Variants in TRPV3 observed in about 807,000 individuals in gnomAD.
The protein encoded by TRPV3 is transient receptor potential cation channel subfamily V member 3, also known as VRL-3.
Under a neutral mutation model 87.1 loss-of-function variants are expected in TRPV3, and 88 were observed. That is an observed-to-expected ratio of 1.01 (90% CI 0.85 to 1.21). The LOEUF is 1.21. TRPV3 is among the 50% of genes most tolerant of loss of function. TRPV3 has a pLI of 0.00. For synonymous variants in TRPV3, 438 were observed against 423.3 expected, an observed-to-expected ratio of 1.03 and a Z score of -0.43; for missense variants, 1,054 against 1,030.1, an observed-to-expected ratio of 1.02 and a Z score of -0.32.
chr17:3,544,397 T>C (rs74641013), intron 4 of TRPV3, among the ~76,000 whole-genome samples, 182 bp downstream of exon 4: 2,105 of 152,302 alleles, frequency 0.014, 77 homozygotes, highest in East Asian at 0.085. Flanking sequence ...ATGGGTTTTA[T>C]AGAATTCAAT....
At position 3,532,692 on chromosome 17, in the gene TRPV3, G is replaced by A; in HGVS notation, c.1030C>T (p.Pro344Ser). The A allele has an allele frequency of 6.2e-7, 1 of 1,614,246 alleles. No individual in the cohort carries two copies. The change falls in exon 8 of 18, where the codon CCG (proline) becomes TCG (serine). Residue 344 changes from proline to serine, a missense_variant. Coordinates refer to ENST00000576742, the MANE Select transcript of TRPV3 (RefSeq NM_145068.4). ...CCCATCTTGGCGGCCAGCTGCAGCG[G>A]CGTGAGGCCATCGTTGTTGCGAGTG... ...ETTRNNDGLT[P>S]LQLAAKMGKA... is the part of the protein sequence containing the mutation.
At chr17:3,542,788 A>C (rs1597487050) in intron 5 of TRPV3, 90 bp from the exon 6 acceptor site, 3 of 1,388,890 alleles carry the variant, frequency 2.2e-6, no homozygotes, top group Non-Finnish European at 9.7e-7. Flanking sequence ...GCAGCCGCAG[A>C]CCCCAAGCCC....
rs1200774126 is a variant in TRPV3, at chr17:3,525,165, ACCCG to A, written c.1578-806_1578-803del. On this transcript the variant is annotated intron_variant, in intron 12 of 17. Coordinates refer to ENST00000576742, the MANE Select transcript of TRPV3 (RefSeq NM_145068.4). ...CTCCCTAGTAGCTGGGATTACAGGCACCCGCCACCACACCAGGCTCATTTTTGTA... is the reference window on the plus strand; with the variant it reads ...CTCCCTAGTAGCTGGGATTACAGGCACCACCACACCAGGCTCATTTTTGTA... Among the ~76,000 whole-genome samples the A allele has an allele frequency of 1.0e-3, 157 of 151,808 alleles. 5 individuals carry two copies. In the South Asian group the frequency reaches 0.031, roughly 30 times the overall value.
At position 3,528,082 on chromosome 17, in the gene TRPV3, C is replaced by A. The variant is rs761172453; in HGVS notation, c.1446G>T (p.Leu482=). The part of the protein sequence containing the change: ...PLALTHKMGW[L]QLLGRMFVLI... The stretch of plus-strand genomic sequence containing the variant: ...GCACAAACATCCTCCCTAGGAGCTG[C>A]AGCCACCCCATCTTGTGCGTCAGGG... The change falls in exon 11 of 18, where the codon CTG becomes CTT. Residue 482 remains leucine, a synonymous_variant. Transcript: ENST00000576742. The surrounding 1 kb of genome is among the most constrained non-coding windows in gnomAD (Gnocchi z 4.2). The A allele has an allele frequency of 6.2e-7, 1 of 1,613,676 alleles. No homozygotes were observed. Among genetic ancestry groups the A allele is most frequent in the Admixed American group, 1.7e-5 (1 of 60,008 alleles).
chr17:3,528,069 T>A lies in TRPV3; in HGVS notation c.1459A>T (p.Arg487Trp). The stretch of plus-strand genomic sequence containing the variant: ...ATGGCCCAGATGAGCACAAACATCC[T>A]CCCTAGGAGCTGCAGCCACCCCATC... ...HKMGWLQLLGRMFVLIWAMCI... is the reference protein window; with the variant it reads ...HKMGWLQLLGWMFVLIWAMCI... The change falls in exon 11 of 18, where the codon AGG (arginine) becomes TGG (tryptophan). Residue 487 changes from arginine to tryptophan, a missense_variant. By Grantham distance (101) the Arg-to-Trp change is moderately radical. Coordinates refer to ENST00000576742, the MANE Select transcript of TRPV3 (RefSeq NM_145068.4). This position sits in a 1 kb window ranked among gnomAD's most constrained non-coding sequence, Gnocchi z 4.2. The A allele has an allele frequency of 6.2e-7, 1 of 1,613,582 alleles. No homozygotes were observed. Among genetic ancestry groups the A allele is most frequent in the Non-Finnish European group, 8.5e-7 (1 of 1,179,908 alleles).
chr17:3,557,291 C>A lies in TRPV3; in HGVS notation c.-3+385G>T, dbSNP rs1327195192. Among the ~76,000 whole-genome samples, 3 of 152,160 alleles carry A rather than the reference C, an allele frequency of 2.0e-5. No individual in the cohort carries two copies. The highest frequency in any genetic ancestry group is 4.4e-5 in the Non-Finnish European group (3 of 68,016). On this transcript the variant is annotated intron_variant, in intron 1 of 17. Transcript: ENST00000576742. This position sits in a 1 kb window ranked among gnomAD's most constrained non-coding sequence, Gnocchi z 4.5. ...CCCCGTCTGTCTCCCACGGTGGGGC[C>A]ACCTCCTCCCATCCTGAACTCCCAT...
At chr17:3,525,045 G>A (rs1165504141) in intron 12 of TRPV3, among the ~76,000 whole-genome samples, 1 of 152,058 alleles carries the variant, frequency 6.6e-6, no homozygotes, top group Non-Finnish European at 1.5e-5. Context: ...GCAGAGACAG[G>A]GTCTTGCTCT....
chr17:3,543,731 A>G (rs2074491669), intron 4 of TRPV3, 103 bp from the exon 5 acceptor site: 10 of 1,475,752 alleles, frequency 6.8e-6, no homozygotes, highest in East Asian at 2.3e-5. Context: ...GCTGCCGCCA[A>G]CATCTCCCAT....
rs772110459 is a variant in TRPV3 at position 3,530,087 on chromosome 17, G to A, written c.1182C>T (p.Asn394=). 1.7e-5 allele frequency: 28 copies of A among 1,613,958 alleles called. No homozygotes were observed. The highest frequency in any genetic ancestry group is 1.3e-4 in the East Asian group (6 of 44,890). Residue 394 remains asparagine, a synonymous_variant, in exon 9 of 18, where the codon AAC becomes AAT. Transcript: ENST00000576742. This position sits in a 1 kb window ranked among gnomAD's most constrained non-coding sequence, Gnocchi z 4.0. ...CTGAGTTGTCCGTGGTGGTGTCCAC[G>A]TTGGTGAGGTCGTAGAGGGAGGATG... is the stretch of plus-strand genomic sequence containing the variant. ...PVSSSLYDLT[N]VDTTTDNSVL...
intron 8 of TRPV3, among the ~76,000 whole-genome samples, chr17:3,531,133 A>C (rs781611686): frequency 1.2e-4 from 19 of 152,126 alleles, no homozygotes; most frequent in Admixed American, 1.3e-4. Flanking sequence ...CGAAATATCC[A>C]GGGTGGGACC....
In TRPV3 at chr17:3,518,448, C is replaced by T; in HGVS notation, c.2085+128G>A. 4.4e-6 allele frequency: 5 copies of T among 1,144,070 alleles called. No individual in the cohort carries two copies. The highest frequency in any genetic ancestry group is 6.0e-6 in the Non-Finnish European group (5 of 827,314). The allele number at this position is 1,144,070 out of a possible 1,614,324, so 70.9% of individuals were successfully genotyped here. On this transcript the variant is annotated intron_variant, in intron 15 of 17. Transcript: ENST00000576742. The surrounding 1 kb of genome is among the most constrained non-coding windows in gnomAD (Gnocchi z 4.3). ...GCTAAGGCCTCCTCAAACCTGGCCA[C>T]ACACTGAGGAGCTTGTGCAGATTCT... is the stretch of plus-strand genomic sequence containing the variant.
chr17:3,519,398 A>ATGAT (rs1208424820), intron 14 of TRPV3, among the ~76,000 whole-genome samples: 34 of 133,886 alleles, frequency 2.5e-4, no homozygotes, highest in Non-Finnish European at 4.5e-4. Flanking sequence ...AGATGGAGGG[A>ATGAT]TGGATGGATG....
intron 6 of TRPV3, among the ~76,000 whole-genome samples, chr17:3,538,437 CAAA>C (rs1157337439): frequency 0.14 from 10,700 of 74,430 alleles, 1,196 homozygotes; most frequent in African/African-American, 0.36. Flanking sequence ...TGGAAAAGAA[CAAA>C]AAAAAAAAAA....
intron 2 of TRPV3, among the ~76,000 whole-genome samples, chr17:3,545,725 T>A (rs2074517492): frequency 6.7e-6 from 1 of 149,874 alleles, no homozygotes; most frequent in African/African-American, 2.5e-5. Flanking sequence ...GGGGCTATTA[T>A]CCCAGCACCC....
chr17:3,540,693 AC>A (rs2074450496), intron 6 of TRPV3, among the ~76,000 whole-genome samples: 1 of 152,198 alleles, frequency 6.6e-6, no homozygotes, highest in Admixed American at 6.5e-5. Context: ...TACAATACTG[AC>A]AAGAAGAAAG....
chr17:3,550,452 G>T (rs939395307), intron 2 of TRPV3, among the ~76,000 whole-genome samples: 2 of 151,354 alleles, frequency 1.3e-5, no homozygotes, highest in Non-Finnish European at 2.9e-5. Context: ...GCTGCCAAGG[G>T]CTGTGCTGGG....
In TRPV3 at chr17:3,528,115, G is replaced by A; in HGVS notation, c.1413C>T (p.His471=). The stretch of plus-strand genomic sequence containing the variant: ...CCATCTTGTGCGTCAGGGCCAAGGG[G>A]TGCGGGATGGCCTGCAGGGAAAGAA... ...YRPREEEAIP[H]PLALTHKMGW... is the part of the protein sequence containing the mutation. Residue 471 remains histidine (H), a synonymous_variant, in exon 11 of 18, where the codon CAC becomes CAT. Transcript: ENST00000576742. The surrounding 1 kb of genome is among the most constrained non-coding windows in gnomAD (Gnocchi z 4.2). 6.2e-7 allele frequency: 1 copy of A among 1,612,780 alleles called. No individual in the cohort carries two copies. The highest frequency in any genetic ancestry group is 1.1e-5 in the South Asian group (1 of 90,946).
At position 3,528,321 on chromosome 17, in the gene TRPV3, AG is replaced by A. The variant is rs1475477631; in HGVS notation, c.1402-196del. On this transcript the variant is annotated intron_variant, in intron 10 of 17. Transcript: ENST00000576742. This position sits in a 1 kb window ranked among gnomAD's most constrained non-coding sequence, Gnocchi z 4.2. ...CTCTCCTCACCCTTGATGGAAACCC[AG>A]AACTCTACAACGAAGAATATCATCC... Among the ~76,000 whole-genome samples the A allele has an allele frequency of 2.0e-5, 3 of 152,198 alleles. No homozygotes were observed. Among genetic ancestry groups the A allele is most frequent in the Non-Finnish European group, 4.4e-5 (3 of 68,018 alleles).
intron 13 of TRPV3, among the ~76,000 whole-genome samples, chr17:3,522,184 G>A (rs2074253213): frequency 6.6e-6 from 1 of 152,196 alleles, no homozygotes; most frequent in Non-Finnish European, 1.5e-5. Flanking sequence ...GTGTGCTTTT[G>A]AGGTTACTTG....
Sources: allele counts gnomAD v4.1 joint callset (sites outside exome capture counted in the v4.1 genomes callset), GRCh38; gene constraint gnomAD v4.1.1; non-coding constraint Gnocchi (gnomAD v3.1); transcripts MANE v1.5; gene names NCBI Gene and HGNC (gene_info 2026-07-23, HGNC 2026-07-21).